The following ACSL4 variants were observed in gnomAD, a reference collection of about 807,000 sequenced individuals.
The protein encoded by ACSL4 is acyl-CoA synthetase long chain family member 4, also known as long-chain-fatty-acid--CoA ligase 4.
ACSL4 carries 9 observed loss-of-function variants against 49.1 expected under a neutral mutation model. That is an observed-to-expected ratio of 0.18 (90% CI 0.11 to 0.32). The LOEUF (loss-of-function observed/expected upper bound fraction) is 0.32. Among genes scored for constraint, ACSL4 ranks in the 10% least tolerant of loss-of-function variants. The probability of loss-of-function intolerance (pLI) is 1.00; values close to 1 mark genes in which losing one functional copy is unlikely to be tolerated. For missense variants in ACSL4, 333 were observed against 493.7 expected, an observed-to-expected ratio of 0.67 and a Z score of 3.08; for synonymous variants, 191 against 170.3, an observed-to-expected ratio of 1.12 and a Z score of -0.95.
At chrX:109,665,010 T>A (rs190863801) in intron 12 of ACSL4, among the ~76,000 whole-genome samples, 19 of 111,616 alleles carry the variant, frequency 1.7e-4, no homozygotes, top group Admixed American at 9.5e-4. Context: ...GTCTCAACTA[T>A]GAAAATCTTT....
intron 3 of ACSL4, 52 bp downstream of exon 3, chrX:109,683,084 C>G (rs1924304781): frequency 8.7e-7 from 1 of 1,152,610 alleles, no homozygotes; most frequent in Admixed American, 2.2e-5. Context: ...TATGATAAAA[C>G]AAATGTGTCT....
rs1464998481 is a variant in ACSL4, at chrX:109,642,529, A to G, written c.*1500T>C. The G allele has an allele frequency of 9.0e-6, 1 of 111,429 alleles. No homozygotes were observed. Among genetic ancestry groups the G allele is most frequent in the African/African-American group, 3.3e-5 (1 of 30,567 alleles). 9.2% of individuals were successfully genotyped at this position (111,429 alleles called of 1,213,427 possible). A position where few individuals can be genotyped will look rare whatever the true frequency, so the allele number is the denominator to read the frequency against. ...TCATAAATATTTTAGAGCAAAAAGA[A>G]TGTATTTTGTTGCAATGGTGGCCCA... On this transcript the variant is annotated 3_prime_UTR_variant, in exon 16 of 16. Coordinates refer to ENST00000672401, the MANE Select transcript of ACSL4 (RefSeq NM_001318510.2).
intron 15 of ACSL4, among the ~76,000 whole-genome samples, chrX:109,644,832 G>A (rs892766040): frequency 2.7e-5 from 3 of 112,843 alleles, no homozygotes; most frequent in Non-Finnish European, 3.8e-5. Flanking sequence ...CGCACCATGC[G>A]CGAGCCGAAG....
chrX:109,660,974 T>C (rs778136879), intron 14 of ACSL4, among the ~76,000 whole-genome samples: 201 of 111,016 alleles, frequency 1.8e-3, no homozygotes, highest in African/African-American at 6.1e-3. Flanking sequence ...GAGTTTCCAT[T>C]TTGCAAGAAA....
intron 1 of ACSL4, among the ~76,000 whole-genome samples, chrX:109,703,473 G>C (rs982343589): frequency 9.0e-6 from 1 of 111,547 alleles, no homozygotes; most frequent in African/African-American, 3.3e-5. Flanking sequence ...TTTTAAAAAA[G>C]TAAAAATGCC....
chrX:109,683,028 C>T, intron 3 of ACSL4, 108 bp downstream of exon 3: 1 of 1,027,190 alleles, frequency 9.7e-7, no homozygotes, highest in Admixed American at 2.5e-5. Flanking sequence ...AGTAGTTTTA[C>T]ACAGCACTAT....
chrX:109,643,903 TTTC>T lies in ACSL4; in HGVS notation c.*123_*125del, dbSNP rs1186790085. 19 of 863,800 alleles carry T rather than the reference TTTC, an allele frequency of 2.2e-5. No homozygotes were observed. The highest frequency in any genetic ancestry group is 3.0e-5 in the Non-Finnish European group (18 of 600,104). 71.2% of individuals were successfully genotyped at this position (863,800 alleles called of 1,213,427 possible). ...CAATTTTAATAACTTTTGGTTTTGT[TTTC>T]TTTTTACTCTATCTTTAGAATGATA... On this transcript the variant is annotated 3_prime_UTR_variant, in exon 16 of 16. Coordinates refer to ENST00000672401, the MANE Select transcript of ACSL4 (RefSeq NM_001318510.2).
intron 1 of ACSL4, among the ~76,000 whole-genome samples, chrX:109,726,724 G>A (rs1391053322): frequency 9.0e-6 from 1 of 111,263 alleles, no homozygotes; most frequent in South Asian, 3.7e-4. Context: ...TATCACCCAG[G>A]CCAGAGTGCA....
At chrX:109,645,398 C>A (rs1480575193) in intron 15 of ACSL4, among the ~76,000 whole-genome samples, 3 of 112,212 alleles carry the variant, frequency 2.7e-5, no homozygotes, top group Non-Finnish European at 3.8e-5. Context: ...GGAGGCACCC[C>A]CCAGCAGGGG....
intron 6 of ACSL4, 117 bp downstream of exon 6, chrX:109,680,881 C>CT (rs1424702820): frequency 7.7e-3 from 5,315 of 694,621 alleles, no homozygotes; most frequent in Non-Finnish European, 8.9e-3. Flanking sequence ...GATTTTTGAA[C>CT]TTTTTTTTTT....
intron 14 of ACSL4, among the ~76,000 whole-genome samples, chrX:109,660,014 T>C (rs1922040523): frequency 9.1e-6 from 1 of 110,277 alleles, no homozygotes; most frequent in South Asian, 3.8e-4. Flanking sequence ...AGAAACACTT[T>C]ATGAGAATAG....
intron 1 of ACSL4, among the ~76,000 whole-genome samples, chrX:109,697,724 C>T (rs868701847): frequency 3.6e-4 from 33 of 90,601 alleles, no homozygotes; most frequent in African/African-American, 1.3e-3. Context: ...GGGGGGGGCG[C>T]GGGGAACTTG....
chrX:109,646,216 T>C (rs1332478839), intron 15 of ACSL4, among the ~76,000 whole-genome samples: 9 of 110,795 alleles, frequency 8.1e-5, no homozygotes, highest in African/African-American at 3.0e-4. Flanking sequence ...AGACACATAA[T>C]TGTCAGATTC....
chrX:109,705,523 C>G (rs1327815706), intron 1 of ACSL4, among the ~76,000 whole-genome samples: 4 of 112,528 alleles, frequency 3.6e-5, no homozygotes, highest in Admixed American at 2.8e-4. Flanking sequence ...GTTTCTGAAC[C>G]ATACTTTTTA....
intron 1 of ACSL4, among the ~76,000 whole-genome samples, chrX:109,719,822 T>C (rs952402485): frequency 1.8e-5 from 2 of 110,440 alleles, no homozygotes; most frequent in African/African-American, 6.6e-5. Flanking sequence ...GGAGAAACCC[T>C]GTCTCTACTA....
intron 1 of ACSL4, among the ~76,000 whole-genome samples, chrX:109,707,669 TAG>T (rs768265809): frequency 9.3e-4 from 100 of 107,500 alleles, no homozygotes; most frequent in Non-Finnish European, 1.6e-3. Context: ...CACAAAAAAA[TAG>T]AGGACAGTCA....
intron 6 of ACSL4, 89 bp from the exon 7 acceptor site, chrX:109,678,504 G>C: frequency 1.9e-6 from 2 of 1,062,943 alleles, no homozygotes; most frequent in Non-Finnish European, 2.6e-6. Flanking sequence ...TTTGCATAAC[G>C]ATAAGCTATC....
chrX:109,672,578 G>A (rs904050866), intron 9 of ACSL4, among the ~76,000 whole-genome samples: 3 of 110,759 alleles, frequency 2.7e-5, no homozygotes, highest in Non-Finnish European at 5.7e-5. Context: ...CTTTCATTCT[G>A]ACCCAGGAAA....
At chrX:109,681,428 G>A (rs980261525) in intron 4 of ACSL4, 53 bp from the exon 5 acceptor site, 14 of 839,517 alleles carry the variant, frequency 1.7e-5, no homozygotes, top group African/African-American at 1.6e-4. Flanking sequence ...TATTAGAAAT[G>A]GATATTATTG....
Sources: allele counts gnomAD v4.1 joint callset (sites outside exome capture counted in the v4.1 genomes callset), GRCh38; gene constraint gnomAD v4.1.1; transcripts MANE v1.5; gene names NCBI Gene and HGNC (gene_info 2026-07-23, HGNC 2026-07-21).